Variants in SRFBP1 observed in about 807,000 individuals in gnomAD.
SRFBP1 encodes the protein serum response factor-binding protein 1.
Under a neutral mutation model 45.5 loss-of-function variants are expected in SRFBP1, and 47 were observed. The ratio of observed to expected loss-of-function variants is 1.03; its 90% CI spans 0.82 to 1.32. The LOEUF is 1.32. Ranked by LOEUF, SRFBP1 falls within the 40% of genes most tolerant of loss-of-function variation. SRFBP1 has a pLI of 0.00. For synonymous variants in SRFBP1, 203 were observed against 166.3 expected, an observed-to-expected ratio of 1.22 and a Z score of -1.70; for missense variants, 621 against 484.6, an observed-to-expected ratio of 1.28 and a Z score of -2.64.
At chr5:121,985,323 G>A (rs1752488631) in intron 3 of SRFBP1, among the ~76,000 whole-genome samples, 1 of 151,176 alleles carries the variant, frequency 6.6e-6, no homozygotes, top group African/African-American at 2.4e-5. Context: ...TTGTTTTGGT[G>A]TTGGGTTTTG....
chr5:122,010,522 A>C (rs546043864), intron 4 of SRFBP1, among the ~76,000 whole-genome samples: 1 of 152,134 alleles, frequency 6.6e-6, no homozygotes, highest in Non-Finnish European at 1.5e-5. Flanking sequence ...CTCACTTTTC[A>C]TGCAGAAAAG....
At chr5:121,978,987 T>G (rs1337348584) in intron 3 of SRFBP1, among the ~76,000 whole-genome samples, 3 of 152,178 alleles carry the variant, frequency 2.0e-5, no homozygotes, top group African/African-American at 4.8e-5. Flanking sequence ...AATCTATTAT[T>G]AAAATCATCC....
At chr5:121,962,796 G>A (rs1248385743) in intron 1 of SRFBP1, among the ~76,000 whole-genome samples, 1 of 152,162 alleles carries the variant, frequency 6.6e-6, no homozygotes, top group Non-Finnish European at 1.5e-5. Context: ...AAGTAAGCTG[G>A]AAACATAAGG....
chr5:121,975,786 C>G (rs1266942780), intron 3 of SRFBP1, among the ~76,000 whole-genome samples: 1 of 151,854 alleles, frequency 6.6e-6, no homozygotes, highest in South Asian at 2.1e-4. Context: ...GTTGCCAGCT[C>G]AATAAATTTT....
chr5:121,990,118 C>T (rs933975829), intron 3 of SRFBP1, among the ~76,000 whole-genome samples: 2 of 152,226 alleles, frequency 1.3e-5, no homozygotes, highest in Admixed American at 6.5e-5. Context: ...GACACATGGA[C>T]GTCTGTGTTC....
At chr5:122,000,843 T>C (rs1246956714) in intron 4 of SRFBP1, among the ~76,000 whole-genome samples, 1 of 152,126 alleles carries the variant, frequency 6.6e-6, no homozygotes, top group Non-Finnish European at 1.5e-5. Context: ...AAACCAGAAA[T>C]CTAAATTTTG....
intron 2 of SRFBP1, among the ~76,000 whole-genome samples, chr5:122,036,893 G>GTT (rs537018868): frequency 1.1e-4 from 15 of 139,286 alleles, no homozygotes; most frequent in East Asian, 2.1e-4. Flanking sequence ...ACTCCTGTGA[G>GTT]TTTTTTTTTT....
chr5:121,989,789 C>A (rs1752585737), intron 3 of SRFBP1, among the ~76,000 whole-genome samples: 1 of 152,138 alleles, frequency 6.6e-6, no homozygotes, highest in Non-Finnish European at 1.5e-5. Context: ...TTTACCTTCT[C>A]CCATTATAAG....
chr5:122,078,416 C>G (rs77930383), downstream of SRFBP1: 1 of 157,654 alleles, frequency 6.3e-6, no homozygotes, highest in African/African-American at 2.4e-5. Flanking sequence ...CCCTCTCTCC[C>G]GTCCCTGCCC....
At position 122,020,219 on chromosome 5, in the gene SRFBP1, G is replaced by T. The variant is rs186327939; in HGVS notation, c.484G>T (p.Ala162Ser). 11 of 1,613,518 alleles carry T rather than the reference G, an allele frequency of 6.8e-6. No homozygotes were observed. The Admixed American group carries it at 1.8e-4, about 27-fold the overall frequency. Residue 162 changes from alanine (A) to serine (S), a missense_variant, in exon 6 of 8, where the codon GCA (alanine) becomes TCA (serine). Physicochemically the swap from Ala to Ser is moderately conservative, Grantham distance 99. Transcript: ENST00000339397. ...TAATGGAAGTAATTTACAGCGTGAA[G>T]CAACTGTCATCAGTGAGCAAAAAGT... ...NDNGSNLQRE[A>S]TVISEQKVKE... is the part of the protein sequence containing the mutation.
chr5:122,039,234 A>G (rs1472832086), intron 2 of SRFBP1, among the ~76,000 whole-genome samples: 1 of 152,134 alleles, frequency 6.6e-6, no homozygotes, highest in Non-Finnish European at 1.5e-5. Flanking sequence ...CAGGGGAGAA[A>G]TTTCTGTACC....
At chr5:122,006,083 C>G (rs1752966296) in intron 4 of SRFBP1, among the ~76,000 whole-genome samples, 1 of 152,114 alleles carries the variant, frequency 6.6e-6, no homozygotes, top group Non-Finnish European at 1.5e-5. Context: ...TAAGACAGGT[C>G]TGGTGGTAAT....
chr5:121,998,218 A>G (rs1752774307), intron 4 of SRFBP1, among the ~76,000 whole-genome samples: 1 of 152,024 alleles, frequency 6.6e-6, no homozygotes, highest in African/African-American at 2.4e-5. Flanking sequence ...ATGCACACGT[A>G]TGTTTATTGT....
chr5:121,985,367 ATG>A (rs1339397694), intron 3 of SRFBP1, among the ~76,000 whole-genome samples: 1 of 151,194 alleles, frequency 6.6e-6, no homozygotes. Flanking sequence ...TAAAGGAAGT[ATG>A]TGTAGAATCA....
At chr5:122,012,924 T>G (rs927451647) in intron 4 of SRFBP1, among the ~76,000 whole-genome samples, 1 of 152,072 alleles carries the variant, frequency 6.6e-6, no homozygotes, top group Non-Finnish European at 1.5e-5. Flanking sequence ...TTAGCAAAAG[T>G]TAGAGGTTTA....
chr5:122,051,055 T>G (rs1455941378), intron 2 of SRFBP1, among the ~76,000 whole-genome samples: 1 of 152,314 alleles, frequency 6.6e-6, no homozygotes, highest in East Asian at 1.9e-4. Flanking sequence ...GGTAATTGTA[T>G]GATTTTGAGT....
chr5:122,026,305 A>C (rs79966771), intron 7 of SRFBP1, among the ~76,000 whole-genome samples: 1 of 152,354 alleles, frequency 6.6e-6, no homozygotes, highest in East Asian at 1.9e-4. Flanking sequence ...AAATCATGTA[A>C]AATGTTAAGA....
intron 2 of SRFBP1, among the ~76,000 whole-genome samples, chr5:122,073,266 C>G (rs530570105): frequency 6.6e-6 from 1 of 152,292 alleles, no homozygotes; most frequent in South Asian, 2.1e-4. Flanking sequence ...TAGATTTTAA[C>G]TGACACGCAT....
intron 7 of SRFBP1, among the ~76,000 whole-genome samples, chr5:122,023,174 A>C (rs1163788151): frequency 6.6e-6 from 1 of 152,228 alleles, no homozygotes; most frequent in Non-Finnish European, 1.5e-5. Flanking sequence ...ATGCAGTCTT[A>C]CTATATATCT....
Sources: allele counts gnomAD v4.1 joint callset (sites outside exome capture counted in the v4.1 genomes callset), GRCh38; gene constraint gnomAD v4.1.1; transcripts MANE v1.5; gene names NCBI Gene and HGNC (gene_info 2026-07-23, HGNC 2026-07-21).